Variants in CDK6 observed in about 807,000 individuals in gnomAD.
The protein encoded by CDK6 is cyclin-dependent kinase 6.
Under a neutral mutation model 37.1 loss-of-function variants are expected in CDK6, and 6 were observed. The ratio of observed to expected loss-of-function variants is 0.16; its 90% CI spans 0.09 to 0.32. The LOEUF is 0.32. Ranked by LOEUF, CDK6 falls within the 10% of genes least tolerant of loss-of-function variation. CDK6 has a pLI of 1.00. For synonymous variants in CDK6, 160 were observed against 161.3 expected, an observed-to-expected ratio of 0.99 and a Z score of 0.06; for missense variants, 224 against 418.9, an observed-to-expected ratio of 0.53 and a Z score of 4.06.
At chr7:92,772,212 T>A (rs977805646) in intron 3 of CDK6, among the ~76,000 whole-genome samples, 3 of 152,166 alleles carry the variant, frequency 2.0e-5, no homozygotes, top group Non-Finnish European at 2.9e-5. Flanking sequence ...ATTTTTTTTT[T>A]AAATTAAGAA....
intron 3 of CDK6, among the ~76,000 whole-genome samples, chr7:92,756,798 T>G (rs543479406): frequency 2.0e-5 from 3 of 152,250 alleles, no homozygotes; most frequent in African/African-American, 7.2e-5. Flanking sequence ...AATTCTCCAT[T>G]TCAATTGGGC....
At chr7:92,766,851 T>G (rs1799593351) in intron 3 of CDK6, among the ~76,000 whole-genome samples, 2 of 152,242 alleles carry the variant, frequency 1.3e-5, no homozygotes, top group South Asian at 4.1e-4. Context: ...TGTTATTAGC[T>G]GAATCTAAGT....
chr7:92,636,884 C>T (rs147826719), intron 5 of CDK6, among the ~76,000 whole-genome samples: 5,376 of 152,218 alleles, frequency 0.035, 330 homozygotes, highest in East Asian at 0.32. Flanking sequence ...AGGCTGGTCT[C>T]GAACTCCTGA....
intron 2 of CDK6, among the ~76,000 whole-genome samples, chr7:92,801,115 C>A (rs1800562113): frequency 6.6e-6 from 1 of 151,600 alleles, no homozygotes; most frequent in Non-Finnish European, 1.5e-5. Flanking sequence ...TGAGAAAAGT[C>A]AGTATTATTA....
chr7:92,701,003 C>G (rs11981904), intron 4 of CDK6, among the ~76,000 whole-genome samples: 1 of 152,226 alleles, frequency 6.6e-6, no homozygotes, highest in African/African-American at 2.4e-5. Flanking sequence ...AAGAGGCAGA[C>G]GACAGAGACA....
rs1795638477 is a variant in CDK6 at position 92,614,829 on chromosome 7, C to T, written c.*311G>A. ...TGGATTACCCACTCCACACTGGCAG[C>T]ATTCAAGGTTAGAAAAATCAAATGG... On this transcript the variant is annotated 3_prime_UTR_variant, in exon 8 of 8. Coordinates refer to ENST00000424848, the MANE Select transcript of CDK6 (RefSeq NM_001145306.2). 1 of 375,248 alleles carries T rather than the reference C, an allele frequency of 2.7e-6. No homozygotes were observed. The highest frequency in any genetic ancestry group is 4.9e-6 in the Non-Finnish European group (1 of 203,382). 23.2% of individuals were successfully genotyped at this position (375,248 alleles called of 1,614,324 possible). A position where few individuals can be genotyped will look rare whatever the true frequency, so the allele number is the denominator to read the frequency against.
chr7:92,835,301 C>T lies in CDK6; in HGVS notation c.-368+1177G>A, dbSNP rs965675922. The T allele has an allele frequency of 6.6e-6, 1 of 150,996 alleles. No homozygotes were observed. The highest frequency in any genetic ancestry group is 2.5e-5 in the African/African-American group (1 of 40,792). 9.4% of individuals were successfully genotyped at this position (150,996 alleles called of 1,614,324 possible). ...CAACCCCCTCCCGCTCGAGTCTAGC[C>T]CCGGGCTCCGCAGCGAAGGAAGCGT... On this transcript the variant is annotated intron_variant, in intron 1 of 7. Transcript: ENST00000424848. The surrounding 1 kb of genome is among the most constrained non-coding windows in gnomAD (Gnocchi z 4.2).
intron 5 of CDK6, among the ~76,000 whole-genome samples, chr7:92,635,749 C>T (rs1796155593): frequency 2.0e-5 from 3 of 152,040 alleles, no homozygotes; most frequent in Non-Finnish European, 2.9e-5. Flanking sequence ...TATCTTTGGC[C>T]CAAATCTCTA....
intron 4 of CDK6, among the ~76,000 whole-genome samples, chr7:92,693,232 T>A (rs1232682153): frequency 6.6e-6 from 1 of 152,220 alleles, no homozygotes; most frequent in African/African-American, 2.4e-5. Flanking sequence ...TTGTTTTTCT[T>A]ACCTGGGTTA....
intron 4 of CDK6, among the ~76,000 whole-genome samples, chr7:92,687,552 ACG>A (rs1439066105): frequency 3.3e-5 from 5 of 152,206 alleles, no homozygotes; most frequent in African/African-American, 1.2e-4. Flanking sequence ...ATTAACAACT[ACG>A]GCAATAGAAT....
intron 3 of CDK6, among the ~76,000 whole-genome samples, chr7:92,764,531 G>A (rs1799533208): frequency 6.6e-6 from 1 of 152,110 alleles, no homozygotes; most frequent in African/African-American, 2.4e-5. Context: ...TTAAATATAT[G>A]AATCCATATT....
chr7:92,736,143 A>G (rs917713462), intron 3 of CDK6, among the ~76,000 whole-genome samples: 3 of 152,026 alleles, frequency 2.0e-5, no homozygotes, highest in Admixed American at 2.0e-4. Context: ...AAATGACCCC[A>G]CAAAAAGATT....
At chr7:92,665,267 T>TCATC (rs3831549) in intron 5 of CDK6, among the ~76,000 whole-genome samples, 16,568 of 150,876 alleles carry the variant, frequency 0.11, 1,067 homozygotes, top group East Asian at 0.28. Flanking sequence ...AACCATCCAA[T>TCATC]CATCCATCCA....
intron 3 of CDK6, among the ~76,000 whole-genome samples, chr7:92,743,995 C>A (rs1403319740): frequency 6.6e-6 from 1 of 151,972 alleles, no homozygotes; most frequent in Non-Finnish European, 1.5e-5. Context: ...ATTAGTGCAC[C>A]CACTTTATTC....
intron 5 of CDK6, among the ~76,000 whole-genome samples, chr7:92,667,463 G>A (rs1023903093): frequency 3.3e-5 from 5 of 151,998 alleles, no homozygotes; most frequent in African/African-American, 1.2e-4. Flanking sequence ...TTCCCAAAGT[G>A]TTGGGTTACA....
At chr7:92,724,585 C>T (rs955338200) in intron 4 of CDK6, among the ~76,000 whole-genome samples, 1 of 152,116 alleles carries the variant, frequency 6.6e-6, no homozygotes, top group African/African-American at 2.4e-5. Context: ...TACTTATCAG[C>T]TGTAGTATTA....
At chr7:92,738,819 G>T (rs1208692449) in intron 3 of CDK6, among the ~76,000 whole-genome samples, 1 of 151,984 alleles carries the variant, frequency 6.6e-6, no homozygotes, top group Non-Finnish European at 1.5e-5. Flanking sequence ...TGTCTAAAAT[G>T]TCTTGAACTA....
chr7:92,723,091 G>A (rs1392606705), intron 4 of CDK6, among the ~76,000 whole-genome samples: 7 of 152,254 alleles, frequency 4.6e-5, no homozygotes, highest in East Asian at 1.9e-4. Flanking sequence ...CACGAGAATC[G>A]CTTGAACTCG....
chr7:92,753,823 G>A (rs1453060635), intron 3 of CDK6, among the ~76,000 whole-genome samples: 1 of 152,170 alleles, frequency 6.6e-6, no homozygotes, highest in African/African-American at 2.4e-5. Flanking sequence ...TGAGGTAGGA[G>A]GACCCCTTTG....
Sources: gnomAD v4.1 joint callset for allele counts (sites outside exome capture counted in the v4.1 genomes callset) on GRCh38, gnomAD v4.1.1 for gene constraint, Gnocchi (gnomAD v3.1) non-coding constraint, MANE v1.5 for transcripts, NCBI Gene and HGNC (gene_info 2026-07-23, HGNC 2026-07-21) for gene names.